CACNA2D3: variants seen among roughly 807,000 people sequenced by gnomAD.
CACNA2D3 encodes calcium voltage-gated channel auxiliary subunit alpha2delta 3.
A neutral mutation model predicts 160.6 loss-of-function variants in CACNA2D3; 60 were observed. That is an observed-to-expected ratio of 0.37 (90% CI 0.30 to 0.46). CACNA2D3 has a LOEUF of 0.46. CACNA2D3 is among the 20% of genes least tolerant of loss of function. The probability of loss-of-function intolerance (pLI) is 1.00; values close to 1 mark genes in which losing one functional copy is unlikely to be tolerated. For missense variants in CACNA2D3, 1,205 were observed against 1,365.0 expected (o/e 0.88, Z 1.85); for synonymous variants, 558 against 492.9 (o/e 1.13, Z -1.75).
intron 4 of CACNA2D3, among the ~76,000 whole-genome samples, chr3:54,459,737 A>G (rs1266895176): frequency 6.6e-6 from 1 of 151,918 alleles, no homozygotes; most frequent in African/African-American, 2.4e-5. Context: ...GTTCACTCTG[A>G]TGGTAGTTTC....
At chr3:54,358,711 A>G (rs1698691970) in intron 3 of CACNA2D3, among the ~76,000 whole-genome samples, 1 of 152,208 alleles carries the variant, frequency 6.6e-6, no homozygotes, top group Non-Finnish European at 1.5e-5. Flanking sequence ...AATTCCTATT[A>G]TGGTACTTAG....
chr3:54,347,105 A>T (rs556075291), intron 3 of CACNA2D3, among the ~76,000 whole-genome samples: 7 of 152,332 alleles, frequency 4.6e-5, no homozygotes, highest in South Asian at 4.1e-4. Flanking sequence ...TGCAATGTTG[A>T]TGGAGCCTTG....
At chr3:54,173,821 A>G (rs1162266510) in intron 2 of CACNA2D3, among the ~76,000 whole-genome samples, 2 of 152,152 alleles carry the variant, frequency 1.3e-5, no homozygotes, top group African/African-American at 2.4e-5. Context: ...TATAATAGTA[A>G]TTGGCTAATT....
chr3:54,889,645 A>G (rs1156348860), intron 24 of CACNA2D3, among the ~76,000 whole-genome samples: 1 of 152,174 alleles, frequency 6.6e-6, no homozygotes, highest in Non-Finnish European at 1.5e-5. Context: ...AAAATGACTG[A>G]AAGTCTCCCA....
chr3:54,894,164 A>T (rs1043588398), intron 25 of CACNA2D3, among the ~76,000 whole-genome samples: 3 of 152,188 alleles, frequency 2.0e-5, no homozygotes, highest in Non-Finnish European at 4.4e-5. Context: ...CCTAGTATCC[A>T]GGAGGAGACT....
Position 54,334,126 on chromosome 3 carries a change from C to G in CACNA2D3, c.321+13568C>G, listed in dbSNP as rs145776765. Among the ~76,000 whole-genome samples, 6 of 152,296 alleles carry G rather than the reference C, an allele frequency of 3.9e-5. No homozygotes were observed. The East Asian group carries it at 9.7e-4, about 25-fold the overall frequency. ...TTTTTTTTTGAGACAGAGTCTCACT[C>G]TGCTAGCTGGAGTGCAGTAGTGTGA... On this transcript the variant is annotated intron_variant, in intron 3 of 37. Transcript: ENST00000474759.
intron 4 of CACNA2D3, among the ~76,000 whole-genome samples, chr3:54,410,608 CCTATTATTTAGACATA>C (rs1282458946): frequency 2.0e-5 from 3 of 152,090 alleles, no homozygotes; most frequent in African/African-American, 7.2e-5. Flanking sequence ...ATATTTTAAG[CCTATTATTTAGACATA>C]CTGCTCAGAA....
At chr3:54,852,853 A>G (rs1699088217) in intron 17 of CACNA2D3, among the ~76,000 whole-genome samples, 1 of 152,214 alleles carries the variant, frequency 6.6e-6, no homozygotes, top group South Asian at 2.1e-4. Flanking sequence ...AAGGGTTTAA[A>G]AAGGTAGGAG....
rs192844636 is a variant in CACNA2D3 at position 54,935,413 on chromosome 3, C to T, written c.2450-33037C>T. On this transcript the variant is annotated intron_variant, in intron 27 of 37. Transcript: ENST00000474759. ...ATTAAAGGTAATTAGTGAGCTCATG[C>T]GGCTGGTGGAATAAACATAGGCAGA... Among the ~76,000 whole-genome samples, 597 of 152,250 alleles carry T rather than the reference C, an allele frequency of 3.9e-3. 12 individuals are homozygous for T. The highest frequency in any genetic ancestry group is 0.037 in the Admixed American group (572 of 15,290).
intron 3 of CACNA2D3, among the ~76,000 whole-genome samples, chr3:54,345,748 A>G (rs923452513): frequency 6.6e-6 from 1 of 152,094 alleles, no homozygotes; most frequent in African/African-American, 2.4e-5. Flanking sequence ...CGTCATCTCC[A>G]CTGGCCTCTA....
At chr3:54,835,330 A>G (rs758287265) in intron 14 of CACNA2D3, among the ~76,000 whole-genome samples, 35 of 152,206 alleles carry the variant, frequency 2.3e-4, no homozygotes, top group Non-Finnish European at 3.7e-4. Flanking sequence ...TGCTTCTTGC[A>G]TTTTAATATA....
chr3:54,199,009 A>G (rs1336022566), intron 2 of CACNA2D3, among the ~76,000 whole-genome samples: 1 of 151,694 alleles, frequency 6.6e-6, no homozygotes, highest in African/African-American at 2.4e-5. Flanking sequence ...TTTTCTCATC[A>G]TTTCTTTCTT....
chr3:54,182,758 C>T (rs1700806117), intron 2 of CACNA2D3, among the ~76,000 whole-genome samples: 3 of 152,050 alleles, frequency 2.0e-5, no homozygotes, highest in Non-Finnish European at 2.9e-5. Flanking sequence ...TGTGGGTTTC[C>T]ACTGGGATGG....
At chr3:54,995,066 C>T (rs758571374) in intron 31 of CACNA2D3, among the ~76,000 whole-genome samples, 117 of 152,182 alleles carry the variant, frequency 7.7e-4, no homozygotes, top group Middle Eastern at 3.4e-3. Context: ...CTCTGCCTCC[C>T]GGATTCAAGC....
intron 27 of CACNA2D3, among the ~76,000 whole-genome samples, chr3:54,928,911 C>T (rs917820446): frequency 7.9e-5 from 12 of 152,160 alleles, no homozygotes; most frequent in African/African-American, 2.9e-4. Flanking sequence ...GGAACTTTCC[C>T]ACCAGGGACT....
intron 11 of CACNA2D3, among the ~76,000 whole-genome samples, chr3:54,657,232 G>T (rs554876281): frequency 2.0e-5 from 3 of 152,106 alleles, no homozygotes; most frequent in Non-Finnish European, 2.9e-5. Context: ...AGGAACCCGC[G>T]GTCTGGATGT....
At chr3:54,854,763 A>G (rs1699130184) in intron 17 of CACNA2D3, among the ~76,000 whole-genome samples, 1 of 152,162 alleles carries the variant, frequency 6.6e-6, no homozygotes, top group South Asian at 2.1e-4. Flanking sequence ...AAAAAATTAA[A>G]TTAATAAATA....
At chr3:54,905,195 T>C (rs1023613637) in intron 27 of CACNA2D3, among the ~76,000 whole-genome samples, 4 of 152,228 alleles carry the variant, frequency 2.6e-5, no homozygotes, top group South Asian at 2.1e-4. Flanking sequence ...CAGAACACTT[T>C]AGATCTGTTA....
intron 14 of CACNA2D3, among the ~76,000 whole-genome samples, chr3:54,836,234 T>G (rs992697637): frequency 8.6e-4 from 127 of 146,894 alleles, no homozygotes; most frequent in Admixed American, 1.4e-3. Flanking sequence ...TTCTTTTTTT[T>G]TTTTTTTGTT....
Sources: allele counts gnomAD v4.1 joint callset (sites outside exome capture counted in the v4.1 genomes callset), GRCh38; gene constraint gnomAD v4.1.1; transcripts MANE v1.5; gene names NCBI Gene and HGNC (gene_info 2026-07-23, HGNC 2026-07-21).